IMPG1: variants seen among roughly 807,000 people sequenced by gnomAD.
The protein encoded by IMPG1 is interphotoreceptor matrix proteoglycan 1.
IMPG1 carries 85 observed loss-of-function variants against 92.0 expected under a neutral mutation model. That is an observed-to-expected ratio of 0.92 (90% CI 0.78 to 1.11). IMPG1 has a LOEUF of 1.11. IMPG1 is among the 50% of genes least tolerant of loss of function. IMPG1 has a pLI of 0.00. For missense variants in IMPG1, 1,022 were observed against 956.0 expected, an observed-to-expected ratio of 1.07 and a Z score of -0.91; for synonymous variants, 367 against 334.1, an observed-to-expected ratio of 1.10 and a Z score of -1.08.
intron 14 of IMPG1, among the ~76,000 whole-genome samples, chr6:75,938,683 C>T (rs1282310234): frequency 1.3e-5 from 2 of 152,060 alleles, no homozygotes; most frequent in African/African-American, 4.8e-5. Context: ...CATGGTGGTG[C>T]ACCCCTGTGA....
intron 14 of IMPG1, among the ~76,000 whole-genome samples, chr6:75,940,712 G>A (rs768986357): frequency 2.0e-5 from 3 of 152,100 alleles, no homozygotes; most frequent in Non-Finnish European, 4.4e-5. Flanking sequence ...GGCTTTAAGT[G>A]AACCGGCTCA....
intron 14 of IMPG1, among the ~76,000 whole-genome samples, chr6:75,937,814 T>G (rs956148758): frequency 6.6e-6 from 1 of 152,202 alleles, no homozygotes; most frequent in East Asian, 1.9e-4. Context: ...TTAATTTCAG[T>G]GTTTACCATT....
chr6:76,001,128 T>C (rs753653808), intron 12 of IMPG1, among the ~76,000 whole-genome samples: 5 of 152,120 alleles, frequency 3.3e-5, no homozygotes, highest in Non-Finnish European at 7.3e-5. Flanking sequence ...TATTCATGAG[T>C]AAAAGGAATG....
At chr6:76,061,549 C>T (rs1235414613) in intron 1 of IMPG1, among the ~76,000 whole-genome samples, 1 of 152,118 alleles carries the variant, frequency 6.6e-6, no homozygotes, top group African/African-American at 2.4e-5. Flanking sequence ...ATGCAAATTC[C>T]CTGACATCTC....
At chr6:75,999,174 C>G (rs1430593095) in intron 12 of IMPG1, among the ~76,000 whole-genome samples, 1 of 151,984 alleles carries the variant, frequency 6.6e-6, no homozygotes, top group East Asian at 1.9e-4. Flanking sequence ...GTGATCTTAA[C>G]AGATAACTGG....
chr6:76,030,201 TTA>T (rs961649694), intron 4 of IMPG1, among the ~76,000 whole-genome samples: 1 of 152,116 alleles, frequency 6.6e-6, no homozygotes, highest in Non-Finnish European at 1.5e-5. Flanking sequence ...CAGATCATTC[TTA>T]TTCTCTAAGG....
At chr6:75,940,734 C>T (rs1340893940) in intron 14 of IMPG1, among the ~76,000 whole-genome samples, 5 of 152,008 alleles carry the variant, frequency 3.3e-5, no homozygotes, top group African/African-American at 7.2e-5. Flanking sequence ...CCTGGCTTTC[C>T]CTTCCTTCCA....
chr6:76,072,338 G>T (rs1200633681), intron 1 of IMPG1, 84 bp downstream of exon 1: 3 of 712,684 alleles, frequency 4.2e-6, no homozygotes, highest in Non-Finnish European at 7.2e-6. Flanking sequence ...AGATCAATTG[G>T]TAGCCTTGTT....
At chr6:75,923,053 A>AAAC (rs1168659516) in intron 16 of IMPG1, among the ~76,000 whole-genome samples, 2 of 152,112 alleles carry the variant, frequency 1.3e-5, no homozygotes, top group African/African-American at 4.8e-5. Context: ...TTATTTTAAA[A>AAAC]AACTATGTCA....
At chr6:75,979,208 C>T (rs1160769329) in intron 12 of IMPG1, among the ~76,000 whole-genome samples, 2 of 152,156 alleles carry the variant, frequency 1.3e-5, no homozygotes, top group Non-Finnish European at 2.9e-5. Context: ...TGAGCCACTG[C>T]ACCCCACCAA....
chr6:75,927,124 TCCTTACAGGGCTG>T (rs961941455), intron 15 of IMPG1, among the ~76,000 whole-genome samples: 2 of 152,216 alleles, frequency 1.3e-5, no homozygotes, highest in African/African-American at 4.8e-5. Flanking sequence ...TCTTAGTTTT[TCCTTACAGGGCTG>T]CCCTTTGTTG....
At chr6:75,942,476 G>C (rs1781850502) in intron 14 of IMPG1, among the ~76,000 whole-genome samples, 1 of 152,184 alleles carries the variant, frequency 6.6e-6, no homozygotes. Context: ...ATCAGCCCAA[G>C]CCTTCTGTAA....
chr6:76,054,454 AGT>A (rs1273645797), intron 1 of IMPG1, among the ~76,000 whole-genome samples: 1 of 152,192 alleles, frequency 6.6e-6, no homozygotes, highest in Non-Finnish European at 1.5e-5. Flanking sequence ...GTTAAAAGAC[AGT>A]GATTGTCAGA....
intron 14 of IMPG1, among the ~76,000 whole-genome samples, chr6:75,940,698 G>A (rs1489330170): frequency 6.6e-6 from 1 of 152,100 alleles, no homozygotes; most frequent in African/African-American, 2.4e-5. Flanking sequence ...TTTTTAGACA[G>A]CCTGGCTTTA....
chr6:75,963,716 T>A lies in IMPG1; in HGVS notation c.1292-12622A>T, dbSNP rs1782248833. On this transcript the variant is annotated intron_variant, in intron 12 of 16. Transcript: ENST00000369950. The stretch of plus-strand genomic sequence containing the variant: ...TTTGTGGCATTTTTAACTTACCCTG[T>A]TATCCCCCACTCCCCAGCTCAGTGG... Among the ~76,000 whole-genome samples, 4 of 152,202 alleles carry A rather than the reference T, an allele frequency of 2.6e-5. No homozygotes were observed. The South Asian group carries it at 8.3e-4, about 32-fold the overall frequency.
chr6:76,056,092 AT>A (rs1036848290), intron 1 of IMPG1, among the ~76,000 whole-genome samples: 3 of 152,042 alleles, frequency 2.0e-5, no homozygotes, highest in African/African-American at 7.2e-5. Context: ...AGAAAAAAAA[AT>A]AGTAGCATAT....
chr6:76,004,347 G>A (rs1783052881), intron 10 of IMPG1, among the ~76,000 whole-genome samples: 1 of 152,160 alleles, frequency 6.6e-6, no homozygotes. Context: ...TCAACCTAAA[G>A]CCTGATTCTC....
At chr6:76,071,225 C>T (rs1354681106) in intron 1 of IMPG1, among the ~76,000 whole-genome samples, 1 of 148,126 alleles carries the variant, frequency 6.8e-6, no homozygotes, top group Non-Finnish European at 1.5e-5. Flanking sequence ...AGCTGATATG[C>T]AATATATGAA....
At chr6:76,030,472 CT>C (rs34943409) in intron 4 of IMPG1, among the ~76,000 whole-genome samples, 1 of 152,090 alleles carries the variant, frequency 6.6e-6, no homozygotes, top group Admixed American at 6.6e-5. Context: ...TAAAAAATGC[CT>C]TTTTCTCCTT....
Sources: allele counts gnomAD v4.1 joint callset (sites outside exome capture counted in the v4.1 genomes callset), GRCh38; gene constraint gnomAD v4.1.1; transcripts MANE v1.5; gene names NCBI Gene and HGNC (gene_info 2026-07-23, HGNC 2026-07-21).